Variants in DCUN1D5 observed in about 807,000 individuals in gnomAD.
DCUN1D5 encodes the protein DCN1-like protein 5.
DCUN1D5 carries 10 observed loss-of-function variants against 38.3 expected under a neutral mutation model. The ratio of observed to expected loss-of-function variants is 0.26; its 90% CI spans 0.16 to 0.44. The LOEUF is 0.44. Among genes scored for constraint, DCUN1D5 ranks in the 20% least tolerant of loss-of-function variants. The probability of loss-of-function intolerance (pLI) is 1.00; values close to 1 mark genes in which losing one functional copy is unlikely to be tolerated. For synonymous variants in DCUN1D5, 93 were observed against 90.9 expected (o/e 1.02, Z -0.13); for missense variants, 148 against 275.3 (o/e 0.54, Z 3.27).
chr11:103,066,738 T>C lies in DCUN1D5; in HGVS notation c.342-171A>G, dbSNP rs1237597867. ...AGTAATAAATTTCTTGCCCTGCATCTACCAATGCAATAAAAAAAGAAAAAA... is the reference window on the plus strand; with the variant it reads ...AGTAATAAATTTCTTGCCCTGCATCCACCAATGCAATAAAAAAAGAAAAAA... On this transcript the variant is annotated intron_variant, in intron 4 of 7. Transcript: ENST00000260247. This position sits in a 1 kb window ranked among gnomAD's most constrained non-coding sequence, Gnocchi z 4.7. 6.6e-6 allele frequency among the ~76,000 whole-genome samples: 1 copy of C among 152,008 alleles called. No homozygotes were observed. The highest frequency in any genetic ancestry group is 2.4e-5 in the African/African-American group (1 of 41,410).
rs986974019 is a variant in DCUN1D5 at position 103,077,273 on chromosome 11, G to A, written c.341+5475C>T. The stretch of plus-strand genomic sequence containing the variant: ...TATCATGAAGACTGTGAACACATCT[G>A]GCAAAACCAACATACCGAAGCAGTT... On this transcript the variant is annotated intron_variant, in intron 4 of 7. Transcript: ENST00000260247. The surrounding 1 kb of genome is among the most constrained non-coding windows in gnomAD (Gnocchi z 4.3). Among the ~76,000 whole-genome samples, 2 of 151,968 alleles carry A rather than the reference G, an allele frequency of 1.3e-5. No homozygotes were observed. Among genetic ancestry groups the A allele is most frequent in the Non-Finnish European group, 2.9e-5 (2 of 67,992 alleles).
At position 103,078,661 on chromosome 11, in the gene DCUN1D5, AG is replaced by A. The variant is rs139769910; in HGVS notation, c.341+4086del. Among the ~76,000 whole-genome samples, 695 of 152,372 alleles carry A rather than the reference AG, an allele frequency of 4.6e-3. 5 individuals are homozygous for A. The highest frequency in any genetic ancestry group is 0.016 in the African/African-American group (645 of 41,584). ...CAGTGAAGCCATCACTCAAAATATT[AG>A]AATTCAAAACCTATCCTGGCAATTT... On this transcript the variant is annotated intron_variant, in intron 4 of 7. Coordinates refer to ENST00000260247, the MANE Select transcript of DCUN1D5 (RefSeq NM_032299.4). This position sits in a 1 kb window ranked among gnomAD's most constrained non-coding sequence, Gnocchi z 4.6.
At position 103,083,466 on chromosome 11, in the gene DCUN1D5, T is replaced by C. The variant is rs1011656381; in HGVS notation, c.179-140A>G. On this transcript the variant is annotated intron_variant, in intron 2 of 7. Coordinates refer to ENST00000260247, the MANE Select transcript of DCUN1D5 (RefSeq NM_032299.4). The surrounding 1 kb of genome is among the most constrained non-coding windows in gnomAD (Gnocchi z 4.4). Reference sequence around the variant, plus strand: ...AATTTTGGCATAGCTTTGATAAGTATAAATATTTGCTACAGGATTTAAAAT... The same window carrying C: ...AATTTTGGCATAGCTTTGATAAGTACAAATATTTGCTACAGGATTTAAAAT... 1.9e-6 allele frequency: 1 copy of C among 532,174 alleles called. No individual in the cohort carries two copies. Among genetic ancestry groups the C allele is most frequent in the African/African-American group, 1.9e-5 (1 of 52,682 alleles). 33.0% of individuals were successfully genotyped at this position (532,174 alleles called of 1,614,324 possible). A position where few individuals can be genotyped will look rare whatever the true frequency, so the allele number is the denominator to read the frequency against.
intron 4 of DCUN1D5, among the ~76,000 whole-genome samples, chr11:103,081,750 G>A (rs2134629643): frequency 6.6e-6 from 1 of 152,160 alleles, no homozygotes; most frequent in Non-Finnish European, 1.5e-5. Context: ...TATGAGCAAA[G>A]GCTTTTACCC....
chr11:103,088,710 CTAG>C (rs1248711049), intron 2 of DCUN1D5, among the ~76,000 whole-genome samples: 1 of 152,150 alleles, frequency 6.6e-6, no homozygotes, highest in East Asian at 1.9e-4. Context: ...TATTGCATCT[CTAG>C]TAGAAGTGGA....
Position 103,055,264 on chromosome 11 carries a change from A to C in DCUN1D5, c.*7095T>G, listed in dbSNP as rs532976949. The C allele has an allele frequency of 9.2e-5, 14 of 152,190 alleles. No homozygotes were observed. The highest frequency in any genetic ancestry group is 4.1e-4 in the South Asian group (2 of 4,820). 9.4% of individuals were successfully genotyped at this position (152,190 alleles called of 1,614,324 possible). On this transcript the variant is annotated 3_prime_UTR_variant, in exon 8 of 8. Transcript: ENST00000260247. Reference sequence around the variant, plus strand: ...AAGTTTTGGATTTTGAAGCATTTTGAATTTCAGATTTTCAAGTTAAGGATG... The same window carrying C: ...AAGTTTTGGATTTTGAAGCATTTTGCATTTCAGATTTTCAAGTTAAGGATG...
intron 4 of DCUN1D5, among the ~76,000 whole-genome samples, chr11:103,070,444 G>C (rs962648209): frequency 6.6e-6 from 1 of 152,062 alleles, no homozygotes. Context: ...TCAGAGCAAA[G>C]AAAATGATCA....
At position 103,058,678 on chromosome 11, in the gene DCUN1D5, T is replaced by C. The variant is rs1861936317; in HGVS notation, c.*3681A>G. Among the ~76,000 whole-genome samples the C allele has an allele frequency of 6.6e-6, 1 of 152,138 alleles. No homozygotes were observed. Among genetic ancestry groups the C allele is most frequent in the South Asian group, 2.1e-4 (1 of 4,838 alleles). On this transcript the variant is annotated 3_prime_UTR_variant, in exon 8 of 8. Transcript: ENST00000260247. Reference sequence around the variant, plus strand: ...AAAACTATATCATTAAAAAAAGATATAATCCAGAATATTTAATAATTCAGA... The same window carrying C: ...AAAACTATATCATTAAAAAAAGATACAATCCAGAATATTTAATAATTCAGA...
intron 4 of DCUN1D5, among the ~76,000 whole-genome samples, chr11:103,067,093 AAAAGTC>A (rs1236496858): frequency 1.3e-5 from 2 of 152,316 alleles, no homozygotes; most frequent in South Asian, 2.1e-4. Flanking sequence ...TTTGTGAACA[AAAAGTC>A]AAAGTCAATC....
At chr11:103,079,479 G>C (rs775899393) in intron 4 of DCUN1D5, among the ~76,000 whole-genome samples, 11 of 152,146 alleles carry the variant, frequency 7.2e-5, no homozygotes, top group South Asian at 2.1e-4. Flanking sequence ...GCCTGTAATT[G>C]CAACACTTTG....
rs557332486 is a variant in DCUN1D5 at position 103,065,205 on chromosome 11, G to A, written c.556-828C>T. ...CTCGTTCTGTCACCCAGGCTGGAGT[G>A]TAGTGGTGCAATCTCAGCTTACTGC... On this transcript the variant is annotated intron_variant, in intron 6 of 7. Coordinates refer to ENST00000260247, the MANE Select transcript of DCUN1D5 (RefSeq NM_032299.4). This position sits in a 1 kb window ranked among gnomAD's most constrained non-coding sequence, Gnocchi z 4.6. Among the ~76,000 whole-genome samples the A allele has an allele frequency of 2.6e-5, 4 of 151,376 alleles. No homozygotes were observed. Among genetic ancestry groups the A allele is most frequent in the African/African-American group, 4.9e-5 (2 of 41,182 alleles).
chr11:103,082,846 A>G lies in DCUN1D5; in HGVS notation c.250-7T>C. 2 of 1,605,552 alleles carry G rather than the reference A, an allele frequency of 1.2e-6. No homozygotes were observed. Among genetic ancestry groups the G allele is most frequent in the Non-Finnish European group, 1.7e-6 (2 of 1,172,896 alleles). Reference sequence around the variant, plus strand: ...CTAAAACTAACATAATAATCTGGAAAGAACAGAACATAAAGGATAGGGGAA... The same window carrying G: ...CTAAAACTAACATAATAATCTGGAAGGAACAGAACATAAAGGATAGGGGAA... On this transcript the variant is annotated splice_polypyrimidine_tract_variant and splice_region_variant and intron_variant, in intron 3 of 7. Transcript: ENST00000260247.
rs1460809462 is a variant in DCUN1D5 at position 103,091,672 on chromosome 11, A to G, written c.86+115T>C. 38 of 1,593,680 alleles carry G rather than the reference A, an allele frequency of 2.4e-5. No individual in the cohort carries two copies. Among genetic ancestry groups the G allele is most frequent in the Non-Finnish European group, 8.5e-7 (1 of 1,169,802 alleles). ...CGGCACCTACAGCCTAGCTCGATCAAAGGGGCCTCACCTGTCTCCAGCCCC... is the reference window on the plus strand; with the variant it reads ...CGGCACCTACAGCCTAGCTCGATCAGAGGGGCCTCACCTGTCTCCAGCCCC... On this transcript the variant is annotated intron_variant, in intron 1 of 7. Coordinates refer to ENST00000260247, the MANE Select transcript of DCUN1D5 (RefSeq NM_032299.4). The surrounding 1 kb of genome is among the most constrained non-coding windows in gnomAD (Gnocchi z 4.3).
intron 2 of DCUN1D5, among the ~76,000 whole-genome samples, chr11:103,084,318 G>T (rs1276255194): frequency 5.3e-5 from 8 of 152,120 alleles, no homozygotes; most frequent in Non-Finnish European, 1.0e-4. Flanking sequence ...CTAGACCAAG[G>T]CTGCTCAGGT....
chr11:103,064,518 A>G lies in DCUN1D5; in HGVS notation c.556-141T>C. ...ATTTTTTTAATTATTTGTGTTTCTA[A>G]GAGATTCCTCATGGGCATTTACATA... On this transcript the variant is annotated intron_variant, in intron 6 of 7. Transcript: ENST00000260247. The surrounding 1 kb of genome is among the most constrained non-coding windows in gnomAD (Gnocchi z 4.5). The G allele has an allele frequency of 1.6e-6, 1 of 643,730 alleles. No individual in the cohort carries two copies. The highest frequency in any genetic ancestry group is 2.5e-6 in the Non-Finnish European group (1 of 397,246). The allele number at this position is 643,730 out of a possible 1,614,324, so 39.9% of individuals were successfully genotyped here. A position where few individuals can be genotyped will look rare whatever the true frequency, so the allele number is the denominator to read the frequency against.
Position 103,066,675 on chromosome 11 carries a change from A to G in DCUN1D5, c.342-108T>C. 1.7e-6 allele frequency: 1 copy of G among 576,998 alleles called. No homozygotes were observed. The highest frequency in any genetic ancestry group is 2.9e-6 in the Non-Finnish European group (1 of 341,114). The allele number at this position is 576,998 out of a possible 1,614,324, so 35.7% of individuals were successfully genotyped here. A position where few individuals can be genotyped will look rare whatever the true frequency, so the allele number is the denominator to read the frequency against. On this transcript the variant is annotated intron_variant, in intron 4 of 7. Coordinates refer to ENST00000260247, the MANE Select transcript of DCUN1D5 (RefSeq NM_032299.4). This position sits in a 1 kb window ranked among gnomAD's most constrained non-coding sequence, Gnocchi z 4.7. ...AAGAAAAAAGTGAGCGCATTTATGA[A>G]GTTAATTTAGTTTTAAAATTCTGAG... is the stretch of plus-strand genomic sequence containing the variant.
chr11:103,074,033 G>C (rs1020933709), intron 4 of DCUN1D5, among the ~76,000 whole-genome samples: 1 of 152,152 alleles, frequency 6.6e-6, no homozygotes, highest in Non-Finnish European at 1.5e-5. Context: ...TCGCAGCACA[G>C]GTTGCAGTGC....
At position 103,062,089 on chromosome 11, in the gene DCUN1D5, T is replaced by C. The variant is rs913581957; in HGVS notation, c.*270A>G. On this transcript the variant is annotated 3_prime_UTR_variant, in exon 8 of 8. Transcript: ENST00000260247. This position sits in a 1 kb window ranked among gnomAD's most constrained non-coding sequence, Gnocchi z 4.6. ...AAGGGACATCTTCACTTTAAGGCCT[T>C]TGTCACAAATCTGAATCTTTATTGT... 1 of 364,822 alleles carries C rather than the reference T, an allele frequency of 2.7e-6. No homozygotes were observed. The highest frequency in any genetic ancestry group is 7.8e-5 in the South Asian group (1 of 12,768). 22.6% of individuals were successfully genotyped at this position (364,822 alleles called of 1,614,324 possible). A position where few individuals can be genotyped will look rare whatever the true frequency, so the allele number is the denominator to read the frequency against.
chr11:103,061,750 C>T lies in DCUN1D5; in HGVS notation c.*609G>A, dbSNP rs963930600. Reference sequence around the variant, plus strand: ...ACAACTGGACATAATCTTTCCAATTCTAAGCTCTCTGAGATAAGACATCTG... The same window carrying T: ...ACAACTGGACATAATCTTTCCAATTTTAAGCTCTCTGAGATAAGACATCTG... On this transcript the variant is annotated 3_prime_UTR_variant, in exon 8 of 8. Transcript: ENST00000260247. Among the ~76,000 whole-genome samples, 3 of 152,028 alleles carry T rather than the reference C, an allele frequency of 2.0e-5. No individual in the cohort carries two copies. Among genetic ancestry groups the T allele is most frequent in the Admixed American group, 6.6e-5 (1 of 15,248 alleles).
Sources: allele counts gnomAD v4.1 joint callset (sites outside exome capture counted in the v4.1 genomes callset), GRCh38; gene constraint gnomAD v4.1.1; non-coding constraint Gnocchi (gnomAD v3.1); transcripts MANE v1.5; gene names NCBI Gene and HGNC (gene_info 2026-07-23, HGNC 2026-07-21).